Variants in NCK1 observed in about 807,000 individuals in gnomAD.
NCK1 encodes the protein NCK adaptor protein 1.
In NCK1, 19 loss-of-function variants were observed where a neutral mutation model predicts 36.6. That is an observed-to-expected ratio of 0.52 (90% CI 0.36 to 0.76). The LOEUF (loss-of-function observed/expected upper bound fraction) is 0.76. NCK1 is among the 30% of genes least tolerant of loss of function. The pLI is 0.00. For synonymous variants in NCK1, 165 were observed against 156.0 expected, an observed-to-expected ratio of 1.06 and a Z score of -0.43; for missense variants, 358 against 445.6, an observed-to-expected ratio of 0.80 and a Z score of 1.77.
chr3:136,946,334 G>C (rs1560057217), intron 3 of NCK1, 39 bp downstream of exon 3: 2 of 1,501,072 alleles, frequency 1.3e-6, no homozygotes, highest in Admixed American at 2.0e-5. Context: ...ATAGAGCTCT[G>C]GGTATTTTAA....
At position 136,945,989 on chromosome 3, in the gene NCK1, C is replaced by G; in HGVS notation, c.633C>G (p.Phe211Leu). ...FSSSNDEELNFEKGDVMDVIE... is the reference protein window; with the variant it reads ...FSSSNDEELNLEKGDVMDVIE... ...CATCTAATGATGAAGAACTTAATTT[C>G]GAGAAAGGAGATGTAATGGATGTTA... Residue 211 changes from phenylalanine to leucine, a missense_variant, in exon 3 of 4, where the codon TTC (phenylalanine) becomes TTG (leucine). This residue lies in a region of NCK1 where 207 missense variants were observed against 253.4 expected (regional missense o/e 0.82). Coordinates refer to ENST00000481752, the MANE Select transcript of NCK1 (RefSeq NM_001291999.2). 6.2e-7 allele frequency: 1 copy of G among 1,613,764 alleles called. No homozygotes were observed. The highest frequency in any genetic ancestry group is 8.5e-7 in the Non-Finnish European group (1 of 1,179,952).
intron 1 of NCK1, among the ~76,000 whole-genome samples, chr3:136,867,818 A>T (rs1938494327): frequency 1.3e-5 from 2 of 152,084 alleles, no homozygotes; most frequent in Non-Finnish European, 2.9e-5. Context: ...CATCTCTTGT[A>T]ATTTTGCCTT....
chr3:136,939,291 C>T (rs1224931427), intron 2 of NCK1, among the ~76,000 whole-genome samples: 1 of 151,900 alleles, frequency 6.6e-6, no homozygotes, highest in Non-Finnish European at 1.5e-5. Flanking sequence ...TGTTTATAAT[C>T]CTTTTTAAAA....
intron 1 of NCK1, among the ~76,000 whole-genome samples, chr3:136,894,195 A>T (rs1939333339): frequency 6.6e-6 from 1 of 152,192 alleles, no homozygotes; most frequent in Admixed American, 6.5e-5. Context: ...AGGCTCCGTG[A>T]ACCCCTACTG....
At chr3:136,934,031 A>C (rs1940459167) in intron 2 of NCK1, among the ~76,000 whole-genome samples, 1 of 152,140 alleles carries the variant, frequency 6.6e-6, no homozygotes, top group African/African-American at 2.4e-5. Flanking sequence ...TTTGAAAATT[A>C]AACACCATAA....
At chr3:136,919,551 TC>T (rs1468040085) in intron 1 of NCK1, among the ~76,000 whole-genome samples, 1 of 152,134 alleles carries the variant, frequency 6.6e-6, no homozygotes, top group African/African-American at 2.4e-5. Context: ...CCTTAAGAGA[TC>T]CACTTTAGTA....
At chr3:136,891,921 CTG>C (rs1939257201) in intron 1 of NCK1, among the ~76,000 whole-genome samples, 1 of 152,224 alleles carries the variant, frequency 6.6e-6, no homozygotes, top group Non-Finnish European at 1.5e-5. Flanking sequence ...CAAAGTCTCA[CTG>C]TATCACTCAG....
In NCK1 at chr3:136,901,267, AT is replaced by A. The variant is rs543590536; in HGVS notation, c.-18-26704del. Among the ~76,000 whole-genome samples, 861 of 112,616 alleles carry A rather than the reference AT, an allele frequency of 7.6e-3. 2 individuals are homozygous for A. The highest frequency in any genetic ancestry group is 0.016 in the African/African-American group (482 of 29,672). 73.9% of individuals were successfully genotyped at this position (112,616 alleles called of 152,430 possible). ...GATAAATCTCACTTCATTGTGGTGT[AT>A]TTTTTTTTTTTTAATGTTGTTGGAT... On this transcript the variant is annotated intron_variant, in intron 1 of 3. Transcript: ENST00000481752.
intron 1 of NCK1, chr3:136,900,033 T>A (rs916365567): frequency 1.7e-6 from 1 of 601,402 alleles, no homozygotes; most frequent in Admixed American, 2.6e-5. Context: ...GTCGCCAAAC[T>A]GTGAGTAATT....
chr3:136,937,634 G>A (rs1358593876), intron 2 of NCK1, among the ~76,000 whole-genome samples: 1 of 152,166 alleles, frequency 6.6e-6, no homozygotes, highest in Non-Finnish European at 1.5e-5. Context: ...GTGTTTTGCA[G>A]TGTTTAGTAT....
chr3:136,901,224 C>A (rs1939532125), intron 1 of NCK1, among the ~76,000 whole-genome samples: 2 of 149,184 alleles, frequency 1.3e-5, no homozygotes, highest in Admixed American at 1.3e-4. Context: ...ATTTGTGTAA[C>A]CATCCTTGCC....
At chr3:136,927,260 C>G (rs1226850102) in intron 1 of NCK1, among the ~76,000 whole-genome samples, 2 of 152,228 alleles carry the variant, frequency 1.3e-5, no homozygotes, top group African/African-American at 2.4e-5. Flanking sequence ...GTGTGTGCCA[C>G]CAGGCCTGGC....
At chr3:136,934,526 T>G (rs944413663) in intron 2 of NCK1, among the ~76,000 whole-genome samples, 2 of 152,138 alleles carry the variant, frequency 1.3e-5, no homozygotes, top group Non-Finnish European at 2.9e-5. Flanking sequence ...CCTCATGTGA[T>G]CCATCCGCCT....
At chr3:136,921,333 C>T (rs1051182991) in intron 1 of NCK1, among the ~76,000 whole-genome samples, 1 of 152,148 alleles carries the variant, frequency 6.6e-6, no homozygotes, top group African/African-American at 2.4e-5. Context: ...AGAGGACGTG[C>T]TCCAGCAAAA....
At chr3:136,901,145 T>C (rs1387144067) in intron 1 of NCK1, among the ~76,000 whole-genome samples, 1 of 152,220 alleles carries the variant, frequency 6.6e-6, no homozygotes, top group African/African-American at 2.4e-5. Context: ...AAGTGCTTTT[T>C]CTGTGTCTGT....
chr3:136,938,848 T>C (rs1383000314), intron 2 of NCK1, among the ~76,000 whole-genome samples: 2 of 152,226 alleles, frequency 1.3e-5, no homozygotes, highest in East Asian at 1.9e-4. Context: ...TAATTCAGTA[T>C]TTATGGTAAC....
intron 2 of NCK1, among the ~76,000 whole-genome samples, chr3:136,938,863 T>G (rs1940600907): frequency 6.6e-6 from 1 of 152,218 alleles, no homozygotes; most frequent in Admixed American, 6.5e-5. Context: ...GGTAACTTTA[T>G]AGAACATAAC....
At position 136,878,445 on chromosome 3, in the gene NCK1, A is replaced by G. The variant is rs368962068; in HGVS notation, c.-19+16092A>G. On this transcript the variant is annotated intron_variant, in intron 1 of 3. Coordinates refer to ENST00000481752, the MANE Select transcript of NCK1 (RefSeq NM_001291999.2). Reference sequence around the variant, plus strand: ...AACAAATGTGCTAAGTATACTAAAGACCACATTGTATGATTCCATTTGTAT... The same window carrying G: ...AACAAATGTGCTAAGTATACTAAAGGCCACATTGTATGATTCCATTTGTAT... Among the ~76,000 whole-genome samples, 6 of 152,222 alleles carry G rather than the reference A, an allele frequency of 3.9e-5. 1 individual carries two copies. The East Asian group carries it at 7.7e-4, about 20-fold the overall frequency.
intron 1 of NCK1, among the ~76,000 whole-genome samples, chr3:136,892,846 C>T (rs1939284370): frequency 6.6e-6 from 1 of 151,966 alleles, no homozygotes; most frequent in African/African-American, 2.4e-5. Flanking sequence ...TTTTGGGGAA[C>T]CGATGGTGTT....
Sources: allele counts gnomAD v4.1 joint callset (sites outside exome capture counted in the v4.1 genomes callset), GRCh38; gene constraint gnomAD v4.1.1; regional missense constraint gnomAD v4.1.1; transcripts MANE v1.5; gene names NCBI Gene and HGNC (gene_info 2026-07-23, HGNC 2026-07-21).